The following KIF9 variants were observed in gnomAD, a reference collection of about 807,000 sequenced individuals.
KIF9 encodes the protein kinesin family member 9, also known as kinesin-like protein KIF9.
KIF9 carries 68 observed loss-of-function variants against 94.8 expected under a neutral mutation model. That is an observed-to-expected ratio of 0.72 (90% confidence interval 0.59 to 0.88). The LOEUF is 0.88. KIF9 is among the 40% of genes least tolerant of loss of function. The pLI is 0.00. For missense variants in KIF9, 882 were observed against 982.5 expected (o/e 0.90, Z 1.37); for synonymous variants, 343 against 362.1 (o/e 0.95, Z 0.60).
chr3:47,249,795 T>G (rs1200643527), intron 10 of KIF9, among the ~76,000 whole-genome samples: 6 of 152,168 alleles, frequency 3.9e-5, no homozygotes, highest in Non-Finnish European at 8.8e-5. Context: ...CGGTGGCTCA[T>G]CCCTGCAATT....
At chr3:47,255,426 T>G (rs114985088) in intron 10 of KIF9, among the ~76,000 whole-genome samples, 1 of 152,282 alleles carries the variant, frequency 6.6e-6, no homozygotes, top group African/African-American at 2.4e-5. Flanking sequence ...GATTCTGTAG[T>G]GACATAGCGA....
At chr3:47,258,157 G>A (rs1021897191) in intron 9 of KIF9, among the ~76,000 whole-genome samples, 6 of 152,206 alleles carry the variant, frequency 3.9e-5, no homozygotes, top group African/African-American at 1.4e-4. Context: ...AAGCTAAAAA[G>A]AAGCAGGTAA....
At position 47,255,994 on chromosome 3, in the gene KIF9, G is replaced by A. The variant is rs571005360; in HGVS notation, c.1059+1489C>T. ...CCGGGCTGGTCTCCAGCTCCTAACC[G>A]CGAGTGATCCGCCAGCCCCGGCCTC... On this transcript the variant is annotated intron_variant, in intron 10 of 20. Transcript: ENST00000684063. 2.0e-4 allele frequency among the ~76,000 whole-genome samples: 31 copies of A among 152,262 alleles called. No individual in the cohort carries two copies. In the East Asian group the frequency reaches 4.3e-3, roughly 21 times the overall value.
At chr3:47,280,579 C>T (rs1302978184) in intron 1 of KIF9, among the ~76,000 whole-genome samples, 2 of 152,172 alleles carry the variant, frequency 1.3e-5, no homozygotes, top group African/African-American at 2.4e-5. Flanking sequence ...TGGTGGTGCA[C>T]GCGTGTGGTC....
intron 10 of KIF9, among the ~76,000 whole-genome samples, chr3:47,255,435 G>C (rs1029465317): frequency 2.6e-5 from 4 of 152,128 alleles, no homozygotes; most frequent in African/African-American, 9.7e-5. Context: ...GTGACATAGC[G>C]AGGTGATTCT....
intron 9 of KIF9, among the ~76,000 whole-genome samples, chr3:47,261,860 G>A (rs535032764): frequency 3.9e-5 from 6 of 152,316 alleles, no homozygotes; most frequent in South Asian, 2.1e-4. Context: ...AAGTACAGCC[G>A]CAAGTATGGC....
chr3:47,277,281 C>G lies in KIF9; in HGVS notation c.93+1G>C, dbSNP rs1476154093. On this transcript the variant is annotated splice_donor_variant, in intron 2 of 20. Coordinates refer to ENST00000684063, the MANE Select transcript of KIF9 (RefSeq NM_182902.4). LOFTEE classifies it high-confidence loss of function. ...GTTGAAGGCAAACACATCGCACTTA[C>G]TCTTTTGTCATCTCCGTATCTGATC... 1.9e-6 allele frequency: 3 copies of G among 1,611,908 alleles called. No homozygotes were observed. In the Admixed American group the frequency reaches 5.0e-5, roughly 27 times the overall value.
rs748742049 is a variant in KIF9 at position 47,236,522 on chromosome 3, G to C, written c.2022C>G (p.Tyr674Ter). The C allele has an allele frequency of 6.2e-7, 1 of 1,613,984 alleles. No homozygotes were observed. Among genetic ancestry groups the C allele is most frequent in the East Asian group, 2.2e-5 (1 of 44,892 alleles). Reference sequence around the variant, plus strand: ...CAGCCCTGAGGTCACGCAGGTCCTGGTACTCGCTGCGGTACTGCTTCTTGA... The same window carrying C: ...CAGCCCTGAGGTCACGCAGGTCCTGCTACTCGCTGCGGTACTGCTTCTTGA... The part of the protein sequence containing the change: ...KDLKKQYRSE[Y>*]QDLRDLRAEI... The change falls in exon 18 of 21, where the codon TAC (tyrosine) becomes TAG (stop). Residue 674 changes from tyrosine (Y) to a stop codon, truncating the protein, a stop_gained. Coordinates refer to ENST00000684063, the MANE Select transcript of KIF9 (RefSeq NM_182902.4). LOFTEE classifies it high-confidence loss of function.
At chr3:47,245,616 G>C in intron 13 of KIF9, 105 bp from the exon 14 acceptor site, 1 of 807,434 alleles carries the variant, frequency 1.2e-6, no homozygotes, top group East Asian at 2.5e-5. Context: ...GAGGCCCCTT[G>C]TGTGGGGCCA....
At chr3:47,229,461 C>G (rs1440025171) in intron 20 of KIF9, among the ~76,000 whole-genome samples, 1 of 152,168 alleles carries the variant, frequency 6.6e-6, no homozygotes, top group African/African-American at 2.4e-5. Context: ...ACGCCACTGT[C>G]AAGCCACCAT....
intron 1 of KIF9, among the ~76,000 whole-genome samples, chr3:47,278,096 G>C (rs1306642205): frequency 6.6e-6 from 1 of 151,372 alleles, no homozygotes; most frequent in Non-Finnish European, 1.5e-5. Flanking sequence ...TTTTGAGACA[G>C]AGTCTCACCC....
chr3:47,256,918 C>T (rs928391982), intron 10 of KIF9, among the ~76,000 whole-genome samples: 1 of 152,100 alleles, frequency 6.6e-6, no homozygotes, highest in African/African-American at 2.4e-5. Context: ...GCAAGATGTG[C>T]TTTGTTAAAC....
At chr3:47,271,554 G>A in intron 4 of KIF9, 93 bp from the exon 5 acceptor site, 1 of 845,838 alleles carries the variant, frequency 1.2e-6, no homozygotes, top group South Asian at 1.4e-5. Flanking sequence ...GGAACATCAA[G>A]ATGTATAGAA....
At chr3:47,273,455 G>T in intron 4 of KIF9, 97 bp downstream of exon 4, 1 of 889,400 alleles carries the variant, frequency 1.1e-6, no homozygotes, top group East Asian at 2.6e-5. Context: ...TTTGAGGCCT[G>T]GTCCCCACTG....
intron 10 of KIF9, chr3:47,250,703 A>C: frequency 4.1e-6 from 1 of 244,872 alleles, no homozygotes. Context: ...TCTTCCCTAA[A>C]AGAGGCACAA....
intron 5 of KIF9, among the ~76,000 whole-genome samples, chr3:47,268,280 T>C (rs1701416904): frequency 6.6e-6 from 1 of 152,014 alleles, no homozygotes; most frequent in African/African-American, 2.4e-5. Context: ...GACAGGGTGG[T>C]GGTGTGGTGG....
chr3:47,246,847 T>C (rs1340795596), intron 12 of KIF9, among the ~76,000 whole-genome samples: 5 of 152,206 alleles, frequency 3.3e-5, no homozygotes, highest in African/African-American at 1.2e-4. Context: ...GGTCTGCCCA[T>C]GTCTCCAAGA....
chr3:47,279,340 A>C (rs540333388), intron 1 of KIF9, among the ~76,000 whole-genome samples: 15 of 148,826 alleles, frequency 1.0e-4, no homozygotes, highest in African/African-American at 3.7e-4. Context: ...AGCTGGGTGT[A>C]GTGGCAAGCG....
chr3:47,256,095 G>T (rs1700567297), intron 10 of KIF9, among the ~76,000 whole-genome samples: 1 of 152,234 alleles, frequency 6.6e-6, no homozygotes, highest in Non-Finnish European at 1.5e-5. Context: ...GCAGTGGCGT[G>T]ATCTCGGCTC....
Sources: allele counts gnomAD v4.1 joint callset (sites outside exome capture counted in the v4.1 genomes callset), GRCh38; gene constraint gnomAD v4.1.1; transcripts MANE v1.5; gene names NCBI Gene and HGNC (gene_info 2026-07-23, HGNC 2026-07-21).